The following ATP6V1H variants were observed in gnomAD, a reference collection of about 807,000 sequenced individuals.
ATP6V1H encodes ATPase H+ transporting V1 subunit H, also known as V-type proton ATPase subunit H.
ATP6V1H carries 39 observed loss-of-function variants against 71.7 expected under a neutral mutation model. The ratio of observed to expected loss-of-function variants is 0.54; its 90% confidence interval spans 0.42 to 0.71. The LOEUF (loss-of-function observed/expected upper bound fraction) is 0.71, where lower values mean the gene tolerates loss of function less well. Among genes scored for constraint, ATP6V1H ranks in the 30% least tolerant of loss-of-function variants. ATP6V1H has a pLI of 0.00. For synonymous variants in ATP6V1H, 192 were observed against 199.3 expected (o/e 0.96, Z 0.31); for missense variants, 509 against 594.9 (o/e 0.86, Z 1.50).
At chr8:53,784,695 T>C (rs1809304595) in intron 9 of ATP6V1H, among the ~76,000 whole-genome samples, 1 of 152,226 alleles carries the variant, frequency 6.6e-6, no homozygotes, top group South Asian at 2.1e-4. Context: ...CTTTCGATGT[T>C]TAGTGCTTCC....
chr8:53,770,074 T>C (rs952912561), intron 10 of ATP6V1H, among the ~76,000 whole-genome samples: 6 of 152,258 alleles, frequency 3.9e-5, no homozygotes, highest in Non-Finnish European at 7.4e-5. Flanking sequence ...ATTTCTACCA[T>C]GACACTTGAA....
intron 8 of ATP6V1H, among the ~76,000 whole-genome samples, chr8:53,796,344 A>G (rs1364418865): frequency 6.6e-6 from 1 of 152,222 alleles, no homozygotes; most frequent in Non-Finnish European, 1.5e-5. Flanking sequence ...CCTCAGTTTG[A>G]TCAAATTTCT....
rs1279126281 is a variant in ATP6V1H at position 53,839,752 on chromosome 8, G to T, written c.113+1826C>A. ...AATGGTGAATGGTCTCAAAAAGAGGGCTCTGGGACACACACTCCCACCTCC... is the reference window on the plus strand; with the variant it reads ...AATGGTGAATGGTCTCAAAAAGAGGTCTCTGGGACACACACTCCCACCTCC... On this transcript the variant is annotated intron_variant, in intron 2 of 13. Coordinates refer to ENST00000359530, the MANE Select transcript of ATP6V1H (RefSeq NM_015941.4). The T allele has an allele frequency of 4.1e-6, 4 of 985,102 alleles. No individual in the cohort carries two copies. The African/African-American group carries it at 7.0e-5, about 17-fold the overall frequency. 61.0% of individuals were successfully genotyped at this position (985,102 alleles called of 1,614,324 possible).
intron 13 of ATP6V1H, 23 bp downstream of exon 13, chr8:53,743,554 G>A (rs774958981): frequency 6.4e-7 from 1 of 1,570,038 alleles, no homozygotes; most frequent in South Asian, 1.1e-5. Flanking sequence ...ATGTACAAGT[G>A]TGAGCAAAAA....
intron 13 of ATP6V1H, among the ~76,000 whole-genome samples, chr8:53,716,493 T>C (rs1269689413): frequency 6.6e-6 from 1 of 152,208 alleles, no homozygotes; most frequent in Non-Finnish European, 1.5e-5. Flanking sequence ...CACCCTGGGA[T>C]GACACAAGAG....
chr8:53,763,901 T>G (rs1808361911), intron 11 of ATP6V1H, among the ~76,000 whole-genome samples: 1 of 152,120 alleles, frequency 6.6e-6, no homozygotes, highest in South Asian at 2.1e-4. Flanking sequence ...TGCTAAAGAT[T>G]TAACAAGAAC....
chr8:53,729,653 C>T (rs1357205222), intron 13 of ATP6V1H, among the ~76,000 whole-genome samples: 6 of 152,190 alleles, frequency 3.9e-5, no homozygotes, highest in Admixed American at 1.3e-4. Context: ...GCTGTCCTTC[C>T]CTATCTGGGG....
At chr8:53,757,283 G>A (rs2130258954) in intron 11 of ATP6V1H, among the ~76,000 whole-genome samples, 1 of 152,326 alleles carries the variant, frequency 6.6e-6, no homozygotes, top group South Asian at 2.1e-4. Context: ...GGAACCAGCA[G>A]CAAAGAAGGC....
chr8:53,756,909 C>T (rs1808087757), intron 11 of ATP6V1H, among the ~76,000 whole-genome samples: 1 of 152,114 alleles, frequency 6.6e-6, no homozygotes. Context: ...CTCAAGAAAA[C>T]TAGAACATGA....
chr8:53,765,776 T>TA lies in ATP6V1H; in HGVS notation c.1175+3841dup, dbSNP rs146701765. Reference sequence around the variant, plus strand: ...AGTTATTTTGTAGATACTGACAAACTAATGTTTGTTTCCATATATTCTAAA... The same window carrying TA: ...AGTTATTTTGTAGATACTGACAAACTAAATGTTTGTTTCCATATATTCTAAA... On this transcript the variant is annotated intron_variant, in intron 11 of 13. Transcript: ENST00000359530. Among the ~76,000 whole-genome samples the TA allele has an allele frequency of 6.6e-5, 10 of 152,234 alleles. No individual in the cohort carries two copies. In the East Asian group the frequency reaches 1.9e-3, roughly 29 times the overall value.
chr8:53,765,791 T>C (rs1167322637), intron 11 of ATP6V1H, among the ~76,000 whole-genome samples: 2 of 152,188 alleles, frequency 1.3e-5, no homozygotes, highest in Non-Finnish European at 2.9e-5. Context: ...TTTGTTTCCA[T>C]ATATTCTAAA....
At chr8:53,800,139 T>C (rs1010503187) in intron 8 of ATP6V1H, among the ~76,000 whole-genome samples, 14 of 152,166 alleles carry the variant, frequency 9.2e-5, no homozygotes, top group South Asian at 6.2e-4. Flanking sequence ...GCATTTTCAA[T>C]GCTGGGAGAA....
intron 4 of ATP6V1H, among the ~76,000 whole-genome samples, chr8:53,828,260 A>C (rs1305172049): frequency 6.6e-6 from 1 of 152,202 alleles, no homozygotes; most frequent in Admixed American, 6.5e-5. Context: ...AGGGTAGAAC[A>C]AACAAGTAAA....
intron 12 of ATP6V1H, among the ~76,000 whole-genome samples, chr8:53,746,463 C>G (rs1807606796): frequency 6.6e-6 from 1 of 152,068 alleles, no homozygotes. Flanking sequence ...CGGGGTTTCA[C>G]CATGTTGGCC....
At chr8:53,726,763 A>T (rs1053530686) in intron 13 of ATP6V1H, among the ~76,000 whole-genome samples, 1 of 152,138 alleles carries the variant, frequency 6.6e-6, no homozygotes, top group African/African-American at 2.4e-5. Flanking sequence ...TCCCTCCATC[A>T]TCTGAAATAG....
intron 9 of ATP6V1H, among the ~76,000 whole-genome samples, chr8:53,792,760 T>C (rs952692911): frequency 2.0e-5 from 3 of 152,218 alleles, no homozygotes; most frequent in Non-Finnish European, 2.9e-5. Context: ...TGGGTAATCA[T>C]GAAGCTTAAA....
intron 9 of ATP6V1H, among the ~76,000 whole-genome samples, chr8:53,789,208 C>T (rs1207673548): frequency 1.3e-5 from 2 of 152,160 alleles, no homozygotes; most frequent in South Asian, 2.1e-4. Flanking sequence ...TAGATACATG[C>T]TTCCAATAAC....
chr8:53,730,436 C>T (rs1030547523), intron 13 of ATP6V1H, among the ~76,000 whole-genome samples: 4 of 152,166 alleles, frequency 2.6e-5, no homozygotes, highest in African/African-American at 9.7e-5. Context: ...AGATCATTTA[C>T]ATTATTTCTT....
At chr8:53,793,608 C>T (rs760778926) in intron 9 of ATP6V1H, among the ~76,000 whole-genome samples, 2 of 151,936 alleles carry the variant, frequency 1.3e-5, no homozygotes, top group Non-Finnish European at 2.9e-5. Flanking sequence ...TCACGCCACT[C>T]CACTCCAGCC....
Sources: allele counts gnomAD v4.1 joint callset (sites outside exome capture counted in the v4.1 genomes callset), GRCh38; gene constraint gnomAD v4.1.1; transcripts MANE v1.5; gene names NCBI Gene and HGNC (gene_info 2026-07-23, HGNC 2026-07-21).